NDST4: variants seen among roughly 807,000 people sequenced by gnomAD.
NDST4 encodes the protein N-heparan sulfate sulfotransferase 4.
Under a neutral mutation model 100.8 loss-of-function variants are expected in NDST4, and 63 were observed. The ratio of observed to expected loss-of-function variants is 0.62; its 90% confidence interval spans 0.51 to 0.77. NDST4 has a LOEUF of 0.77. NDST4 is among the 30% of genes least tolerant of loss of function. NDST4 has a pLI of 0.00. For synonymous variants in NDST4, 377 were observed against 361.8 expected (o/e 1.04, Z -0.48); for missense variants, 943 against 1,018.4 (o/e 0.93, Z 1.01).
chr4:114,862,148 T>C (rs1420077977), intron 7 of NDST4, among the ~76,000 whole-genome samples: 1 of 152,108 alleles, frequency 6.6e-6, no homozygotes, highest in African/African-American at 2.4e-5. Context: ...CATTTAGCAA[T>C]CGGCATAGAC....
chr4:115,090,576 C>T (rs1362019305), intron 1 of NDST4, among the ~76,000 whole-genome samples: 1 of 151,602 alleles, frequency 6.6e-6, no homozygotes, highest in Admixed American at 6.6e-5. Context: ...AAATAATAAC[C>T]TGTCTATCGG....
intron 7 of NDST4, among the ~76,000 whole-genome samples, chr4:114,858,732 T>C (rs757758873): frequency 8.5e-5 from 13 of 152,230 alleles, no homozygotes; most frequent in Non-Finnish European, 1.3e-4. Context: ...CCCAATGATA[T>C]GCTTGGAGAA....
chr4:114,945,634 G>A (rs566108413), intron 4 of NDST4, among the ~76,000 whole-genome samples: 1 of 152,332 alleles, frequency 6.6e-6, no homozygotes, highest in African/African-American at 2.4e-5. Flanking sequence ...GCATTAAGCA[G>A]TACCTTGTTG....
intron 2 of NDST4, among the ~76,000 whole-genome samples, chr4:114,980,922 G>A (rs1289595570): frequency 1.3e-5 from 2 of 151,958 alleles, no homozygotes; most frequent in African/African-American, 4.8e-5. Flanking sequence ...ATTTCAGAAA[G>A]GAAGTCTAGG....
rs375584863 is a variant in NDST4, at chr4:115,099,211, A to G, written c.-247+14233T>C. Among the ~76,000 whole-genome samples the G allele has an allele frequency of 4.6e-5, 7 of 152,330 alleles. No homozygotes were observed. In the East Asian group the frequency reaches 1.2e-3, roughly 25 times the overall value. ...ATTGAAATGTAAATGTAAAATACAT[A>G]ACTATAAGACTCTTAGAAGATCATA... On this transcript the variant is annotated intron_variant, in intron 1 of 13. Transcript: ENST00000264363.
At chr4:114,906,188 T>G (rs963152708) in intron 6 of NDST4, among the ~76,000 whole-genome samples, 1 of 151,892 alleles carries the variant, frequency 6.6e-6, no homozygotes, top group African/African-American at 2.4e-5. Flanking sequence ...AATTCTATAT[T>G]AAAAAAACAA....
intron 1 of NDST4, among the ~76,000 whole-genome samples, chr4:115,086,539 C>T (rs930438901): frequency 6.6e-6 from 1 of 151,978 alleles, no homozygotes; most frequent in Non-Finnish European, 1.5e-5. Flanking sequence ...AGTGTCATTT[C>T]AAACATAATG....
chr4:114,912,203 C>T (rs912742114), intron 6 of NDST4, among the ~76,000 whole-genome samples: 5 of 152,116 alleles, frequency 3.3e-5, no homozygotes, highest in Non-Finnish European at 7.4e-5. Flanking sequence ...ATCAATGTGA[C>T]AAGTGAGGTG....
At position 115,028,006 on chromosome 4, in the gene NDST4, T is replaced by C. The variant is rs117189667; in HGVS notation, c.978+48053A>G. Among the ~76,000 whole-genome samples the C allele has an allele frequency of 9.9e-5, 15 of 151,676 alleles. No individual in the cohort carries two copies. The East Asian group carries it at 2.9e-3, about 30-fold the overall frequency. ...AGGTGGAGTTTGCGATGAGGAGAGATTCACCGATTCACCATTACACTCCAG... is the reference window on the plus strand; with the variant it reads ...AGGTGGAGTTTGCGATGAGGAGAGACTCACCGATTCACCATTACACTCCAG... On this transcript the variant is annotated intron_variant, in intron 2 of 13. Transcript: ENST00000264363.
intron 4 of NDST4, among the ~76,000 whole-genome samples, chr4:114,944,412 T>C (rs989824580): frequency 2.0e-5 from 3 of 152,214 alleles, no homozygotes; most frequent in African/African-American, 7.2e-5. Flanking sequence ...TTTTCGCCTC[T>C]TCCCCTTCAA....
intron 2 of NDST4, among the ~76,000 whole-genome samples, chr4:115,047,903 TTAA>T (rs1404855237): frequency 1.3e-5 from 2 of 152,084 alleles, no homozygotes; most frequent in Non-Finnish European, 2.9e-5. Flanking sequence ...TGTAATAGAA[TTAA>T]TAATATTTGA....
chr4:114,921,830 T>C (rs949859664), intron 6 of NDST4, among the ~76,000 whole-genome samples: 5 of 152,114 alleles, frequency 3.3e-5, no homozygotes, highest in African/African-American at 1.2e-4. Context: ...ATTTTCTTTT[T>C]CCCCCTTCAT....
chr4:115,111,312 A>G (rs1268973513), intron 1 of NDST4, among the ~76,000 whole-genome samples: 1 of 151,954 alleles, frequency 6.6e-6, no homozygotes, highest in Non-Finnish European at 1.5e-5. Context: ...GAGAAGAAAG[A>G]ATAGGTATAA....
At chr4:114,934,409 G>A (rs1290718986) in intron 6 of NDST4, among the ~76,000 whole-genome samples, 5 of 151,846 alleles carry the variant, frequency 3.3e-5, no homozygotes, top group Non-Finnish European at 7.4e-5. Context: ...AAATTAGCCG[G>A]GCGTGGTGGT....
intron 6 of NDST4, among the ~76,000 whole-genome samples, chr4:114,874,963 A>G (rs1276615232): frequency 6.6e-6 from 1 of 152,180 alleles, no homozygotes; most frequent in African/African-American, 2.4e-5. Context: ...CTACATGGAT[A>G]AAAATGGTTT....
At chr4:114,870,413 T>C (rs1724122716) in intron 7 of NDST4, among the ~76,000 whole-genome samples, 1 of 152,104 alleles carries the variant, frequency 6.6e-6, no homozygotes, top group Non-Finnish European at 1.5e-5. Context: ...TAGGTTTTTA[T>C]TTCCCTAGAT....
chr4:115,000,338 A>AT (rs999712444), intron 2 of NDST4, among the ~76,000 whole-genome samples: 44 of 151,158 alleles, frequency 2.9e-4, no homozygotes, highest in African/African-American at 5.3e-4. Flanking sequence ...TTAACCTTTC[A>AT]TTTTTTTTTA....
At chr4:115,060,387 T>C (rs2126283040) in intron 2 of NDST4, among the ~76,000 whole-genome samples, 1 of 152,106 alleles carries the variant, frequency 6.6e-6, no homozygotes, top group African/African-American at 2.4e-5. Flanking sequence ...CATTTTCATT[T>C]TGAGAGGTCA....
At chr4:114,836,786 C>G (rs1353852193) in intron 11 of NDST4, among the ~76,000 whole-genome samples, 1 of 152,122 alleles carries the variant, frequency 6.6e-6, no homozygotes, top group Non-Finnish European at 1.5e-5. Flanking sequence ...TTCACATAGT[C>G]CCATATTTCT....
Sources: gnomAD v4.1 joint callset for allele counts (sites outside exome capture counted in the v4.1 genomes callset) on GRCh38, gnomAD v4.1.1 for gene constraint, MANE v1.5 for transcripts, NCBI Gene and HGNC (gene_info 2026-07-23, HGNC 2026-07-21) for gene names.